The following HDAC9 variants were observed in gnomAD, a reference collection of about 807,000 sequenced individuals.
HDAC9 encodes the protein MEF-2 interacting transcription repressor (MITR) protein.
Under a neutral mutation model 139.4 loss-of-function variants are expected in HDAC9, and 41 were observed. The observed-to-expected ratio is 0.29, with a 90% confidence interval of 0.23 to 0.38. The LOEUF is 0.38. HDAC9 is among the 10% of genes least tolerant of loss of function. HDAC9 has a pLI of 1.00. For missense variants in HDAC9, 1,147 were observed against 1,297.0 expected, an observed-to-expected ratio of 0.88 and a Z score of 1.78; for synonymous variants, 517 against 476.2, an observed-to-expected ratio of 1.09 and a Z score of -1.12.
chr7:18,644,528 A>G, intron 8 of HDAC9, 143 bp from the exon 9 acceptor site: 1 of 555,504 alleles, frequency 1.8e-6, no homozygotes, highest in Non-Finnish European at 2.8e-6. Flanking sequence ...ATTTGACATT[A>G]TAACTTTTGG....
Position 18,829,337 on chromosome 7 carries a change from TC to T in HDAC9, c.2379-121del. On this transcript the variant is annotated intron_variant, in intron 18 of 25. Transcript: ENST00000686413. ...TGGACTGAAAAATCTTGCGAGGTAC[TC>T]CCAGAAGCAGATTTATGGCTTCAGA... 6 of 1,113,206 alleles carry T rather than the reference TC, an allele frequency of 5.4e-6. No individual in the cohort carries two copies. In the South Asian group the frequency reaches 7.4e-5, roughly 14 times the overall value. 69.0% of individuals were successfully genotyped at this position (1,113,206 alleles called of 1,614,324 possible).
intron 2 of HDAC9, among the ~76,000 whole-genome samples, chr7:18,227,071 A>C (rs1479676315): frequency 6.6e-6 from 1 of 152,230 alleles, no homozygotes; most frequent in Non-Finnish European, 1.5e-5. Flanking sequence ...CTTGAAGAGC[A>C]AGACATTCAA....
intron 13 of HDAC9, among the ~76,000 whole-genome samples, chr7:18,737,227 A>G (rs187677193): frequency 2.0e-5 from 3 of 151,988 alleles, no homozygotes; most frequent in South Asian, 2.1e-4. Context: ...TTGTGTCTCT[A>G]TCTCCTTCAG....
At chr7:18,905,784 C>A (rs527805970) in intron 22 of HDAC9, among the ~76,000 whole-genome samples, 1 of 152,298 alleles carries the variant, frequency 6.6e-6, no homozygotes, top group Admixed American at 6.5e-5. Context: ...TAACATATTA[C>A]TTAGCACTCG....
chr7:18,615,416 C>T (rs879507800), intron 6 of HDAC9, among the ~76,000 whole-genome samples: 2 of 151,996 alleles, frequency 1.3e-5, no homozygotes, highest in African/African-American at 4.8e-5. Context: ...TTGGAAATTG[C>T]TTTTCTTGGC....
At chr7:18,894,394 T>C (rs974160872) in intron 22 of HDAC9, among the ~76,000 whole-genome samples, 8 of 152,042 alleles carry the variant, frequency 5.3e-5, no homozygotes, top group African/African-American at 1.9e-4. Context: ...GAGTGTGCTG[T>C]CCTGTAGCCC....
At chr7:18,801,433 A>G (rs897077599) in intron 17 of HDAC9, among the ~76,000 whole-genome samples, 13 of 152,036 alleles carry the variant, frequency 8.6e-5, no homozygotes, top group Non-Finnish European at 1.5e-4. Context: ...TATTCTTGAG[A>G]TACATCTACC....
chr7:18,185,860 C>T (rs1276006168), intron 2 of HDAC9, among the ~76,000 whole-genome samples: 1 of 152,162 alleles, frequency 6.6e-6, no homozygotes, highest in Non-Finnish European at 1.5e-5. Context: ...AGCATGATTA[C>T]TCTTACAAAA....
At chr7:18,458,116 CTT>C (rs1031172805) in intron 1 of HDAC9, among the ~76,000 whole-genome samples, 2 of 152,176 alleles carry the variant, frequency 1.3e-5, no homozygotes, top group African/African-American at 4.8e-5. Flanking sequence ...GCTGACAACT[CTT>C]TGGCATTTTG....
intron 1 of HDAC9, among the ~76,000 whole-genome samples, chr7:18,475,019 A>G (rs1795006640): frequency 6.6e-6 from 1 of 152,232 alleles, no homozygotes; most frequent in East Asian, 1.9e-4. Context: ...ATTTTAAACT[A>G]AAGTTCATTA....
At chr7:18,168,926 T>TGTGTGTGCGC (rs1407586998) in intron 2 of HDAC9, among the ~76,000 whole-genome samples, 54 of 130,054 alleles carry the variant, frequency 4.2e-4, no homozygotes, top group African/African-American at 1.6e-3. Context: ...TGTGTGTGTG[T>TGTGTGTGCGC]GCGCGCATGT....
intron 15 of HDAC9, among the ~76,000 whole-genome samples, chr7:18,762,868 G>A (rs890083501): frequency 3.3e-5 from 5 of 152,106 alleles, no homozygotes; most frequent in East Asian, 1.9e-4. Context: ...AAACTTTATC[G>A]TCAGATTTTA....
At chr7:18,306,154 G>T (rs533424396) in intron 1 of HDAC9, among the ~76,000 whole-genome samples, 1 of 152,302 alleles carries the variant, frequency 6.6e-6, no homozygotes, top group South Asian at 2.1e-4. Flanking sequence ...TTCTGCTGGG[G>T]AACTCTGGAA....
At chr7:18,777,620 C>T (rs1398349843) in intron 16 of HDAC9, among the ~76,000 whole-genome samples, 2 of 151,972 alleles carry the variant, frequency 1.3e-5, no homozygotes, top group African/African-American at 4.8e-5. Context: ...TTCTGATCCT[C>T]AGCATCCTCA....
At chr7:18,758,186 C>T (rs545923054) in intron 14 of HDAC9, among the ~76,000 whole-genome samples, 2 of 152,292 alleles carry the variant, frequency 1.3e-5, no homozygotes, top group South Asian at 4.1e-4. Flanking sequence ...CCCGTATTGA[C>T]TCCAGGTGAG....
intron 6 of HDAC9, among the ~76,000 whole-genome samples, chr7:18,609,382 A>G (rs1391023629): frequency 1.3e-5 from 2 of 152,192 alleles, no homozygotes; most frequent in Non-Finnish European, 2.9e-5. Flanking sequence ...AAGTTTAAAA[A>G]GCCACCTGTG....
chr7:18,839,779 AG>A, intron 21 of HDAC9, among the ~76,000 whole-genome samples: 1 of 152,182 alleles, frequency 6.6e-6, no homozygotes, highest in East Asian at 1.9e-4. Context: ...TCATTTCAAA[AG>A]GATGTTCCAA....
intron 3 of HDAC9, among the ~76,000 whole-genome samples, chr7:18,589,644 A>G (rs1404105891): frequency 6.6e-6 from 1 of 152,234 alleles, no homozygotes; most frequent in Non-Finnish European, 1.5e-5. Context: ...GTGCATTAAA[A>G]TGAAGTTTTG....
chr7:18,889,897 A>C (rs1800524639), intron 22 of HDAC9, among the ~76,000 whole-genome samples: 1 of 152,088 alleles, frequency 6.6e-6, no homozygotes, highest in African/African-American at 2.4e-5. Context: ...TAGAGGTAGG[A>C]TCTTGTTATG....
Sources: gnomAD v4.1 joint callset for allele counts (sites outside exome capture counted in the v4.1 genomes callset) on GRCh38, gnomAD v4.1.1 for gene constraint, MANE v1.5 for transcripts, NCBI Gene and HGNC (gene_info 2026-07-23, HGNC 2026-07-21) for gene names.